The following EPHB1 variants were observed in gnomAD, a reference collection of about 807,000 sequenced individuals.
EPHB1 encodes ephrin type-B receptor 1.
In EPHB1, 30 loss-of-function variants were observed where a neutral mutation model predicts 94.4. The ratio of observed to expected loss-of-function variants is 0.32; its 90% CI spans 0.24 to 0.43. The LOEUF is 0.43. Ranked by LOEUF, EPHB1 falls within the 20% of genes least tolerant of loss-of-function variation. The probability of loss-of-function intolerance (pLI) is 1.00; values close to 1 mark genes in which losing one functional copy is unlikely to be tolerated. For synonymous variants in EPHB1, 522 were observed against 489.1 expected (o/e 1.07, Z -0.89); for missense variants, 1,055 against 1,308.3 (o/e 0.81, Z 2.99).
chr3:135,157,696 A>T (rs1941395309), intron 6 of EPHB1, among the ~76,000 whole-genome samples: 1 of 152,238 alleles, frequency 6.6e-6, no homozygotes, highest in Admixed American at 6.5e-5. Flanking sequence ...GAAGTGCTTG[A>T]CTACAAAGTC....
At chr3:135,074,383 T>G (rs1174350945) in intron 3 of EPHB1, among the ~76,000 whole-genome samples, 6 of 151,380 alleles carry the variant, frequency 4.0e-5, no homozygotes, top group Admixed American at 1.3e-4. Flanking sequence ...GGCTTTCAGG[T>G]TTTTTTTTCC....
intron 3 of EPHB1, among the ~76,000 whole-genome samples, chr3:134,974,538 T>C (rs1934106821): frequency 6.6e-6 from 1 of 152,122 alleles, no homozygotes; most frequent in Non-Finnish European, 1.5e-5. Flanking sequence ...TTTTCCACCT[T>C]GCATGCATAG....
intron 4 of EPHB1, among the ~76,000 whole-genome samples, chr3:135,117,966 T>C (rs1021060131): frequency 7.9e-5 from 12 of 152,090 alleles, no homozygotes; most frequent in Non-Finnish European, 2.9e-5. Context: ...TGGGGGGCAA[T>C]GGTCAGTGGG....
chr3:135,249,898 A>G (rs1932997762), intron 15 of EPHB1, among the ~76,000 whole-genome samples: 1 of 152,234 alleles, frequency 6.6e-6, no homozygotes. Context: ...TTGTCCTTAT[A>G]CTTAGATAGC....
chr3:134,924,235 A>G (rs924519111), intron 1 of EPHB1, among the ~76,000 whole-genome samples: 3 of 152,222 alleles, frequency 2.0e-5, no homozygotes, highest in African/African-American at 4.8e-5. Flanking sequence ...AGAAAACCAA[A>G]TAATAAATTG....
chr3:135,064,992 T>A (rs1268967070), intron 3 of EPHB1, among the ~76,000 whole-genome samples: 1 of 152,200 alleles, frequency 6.6e-6, no homozygotes, highest in Non-Finnish European at 1.5e-5. Context: ...GTTATTTAAT[T>A]TCCATGTATT....
intron 3 of EPHB1, among the ~76,000 whole-genome samples, chr3:135,083,073 C>T (rs1407110415): frequency 2.6e-5 from 4 of 152,158 alleles, no homozygotes; most frequent in Admixed American, 6.5e-5. Flanking sequence ...CTGTGTTCAC[C>T]GGGAGCCAGT....
chr3:135,202,196 CT>C (rs1020686814), intron 12 of EPHB1, among the ~76,000 whole-genome samples: 46 of 152,216 alleles, frequency 3.0e-4, no homozygotes, highest in Non-Finnish European at 7.3e-5. Context: ...CAGCCTCCCC[CT>C]CTACATTCTG....
At chr3:135,209,164 C>T (rs576017501) in intron 12 of EPHB1, among the ~76,000 whole-genome samples, 50 of 152,250 alleles carry the variant, frequency 3.3e-4, no homozygotes, top group Middle Eastern at 3.4e-3. Context: ...AAGCTCTTCC[C>T]TGTAGAGGAA....
intron 3 of EPHB1, among the ~76,000 whole-genome samples, chr3:135,020,802 T>C (rs1022305038): frequency 4.6e-5 from 7 of 152,222 alleles, no homozygotes; most frequent in African/African-American, 1.4e-4. Context: ...CTCAAGGTAA[T>C]ATATGGATAT....
chr3:135,229,739 T>C (rs777950695), intron 12 of EPHB1, among the ~76,000 whole-genome samples: 1 of 152,152 alleles, frequency 6.6e-6, no homozygotes, highest in Non-Finnish European at 1.5e-5. Flanking sequence ...GAGCATCCAC[T>C]GGAATCAGCA....
chr3:134,947,282 A>G (rs1190666012), intron 2 of EPHB1, among the ~76,000 whole-genome samples: 1 of 152,016 alleles, frequency 6.6e-6, no homozygotes, highest in African/African-American at 2.4e-5. Context: ...ATGCCATTCT[A>G]CCCTCATCTC....
chr3:134,825,907 T>C (rs1378349886), intron 1 of EPHB1, among the ~76,000 whole-genome samples: 1 of 152,134 alleles, frequency 6.6e-6, no homozygotes, highest in African/African-American at 2.4e-5. Context: ...CATATCTGCA[T>C]TGTTTTTCTA....
chr3:135,111,364 A>G (rs1451764298), intron 4 of EPHB1, among the ~76,000 whole-genome samples: 1 of 152,214 alleles, frequency 6.6e-6, no homozygotes, highest in Non-Finnish European at 1.5e-5. Flanking sequence ...GAAGGCTGTG[A>G]AAGTTTGGAA....
rs1382074681 is a variant in EPHB1 at position 134,795,483 on chromosome 3, A to G, written c.-149A>G. The G allele has an allele frequency of 1.4e-6, 1 of 726,878 alleles. No homozygotes were observed. The highest frequency in any genetic ancestry group is 1.9e-5 in the African/African-American group (1 of 52,998). 45.0% of individuals were successfully genotyped at this position (726,878 alleles called of 1,614,324 possible). ...CGCGCACACACTCCTGCCCACGCCC[A>G]CGCAGCGCTCCGGGAAGTCCGGTCC... On this transcript the variant is annotated 5_prime_UTR_variant, in exon 1 of 16. Coordinates refer to ENST00000398015, the MANE Select transcript of EPHB1 (RefSeq NM_004441.5).
At chr3:135,094,024 A>C (rs1938657311) in intron 3 of EPHB1, among the ~76,000 whole-genome samples, 1 of 152,190 alleles carries the variant, frequency 6.6e-6, no homozygotes, top group Non-Finnish European at 1.5e-5. Context: ...CTTGCTATAA[A>C]CAATATTGCC....
Position 135,038,270 on chromosome 3 carries a change from T to G in EPHB1, c.806-68178T>G, listed in dbSNP as rs115759567. On this transcript the variant is annotated intron_variant, in intron 3 of 15. Coordinates refer to ENST00000398015, the MANE Select transcript of EPHB1 (RefSeq NM_004441.5). The stretch of plus-strand genomic sequence containing the variant: ...AGAGATGGTGCCCATTTCTCCTCCC[T>G]TTGAATCTGGGCTGGGCTGTGATTA... Among the ~76,000 whole-genome samples the G allele has an allele frequency of 8.0e-3, 1,220 of 152,342 alleles. 11 individuals carry two copies. The highest frequency in any genetic ancestry group is 0.028 in the African/African-American group (1,160 of 41,582).
chr3:134,841,069 C>A (rs980460412), intron 1 of EPHB1, among the ~76,000 whole-genome samples: 1 of 152,166 alleles, frequency 6.6e-6, no homozygotes, highest in Non-Finnish European at 1.5e-5. Flanking sequence ...TTCTCAGAGC[C>A]CCCTTCCTCA....
chr3:134,836,687 T>C (rs538835394), intron 1 of EPHB1, among the ~76,000 whole-genome samples: 2 of 152,360 alleles, frequency 1.3e-5, no homozygotes, highest in South Asian at 4.1e-4. Flanking sequence ...ATTTTAGTTA[T>C]AGATGTGATA....
Sources: allele counts gnomAD v4.1 joint callset (sites outside exome capture counted in the v4.1 genomes callset), GRCh38; gene constraint gnomAD v4.1.1; transcripts MANE v1.5; gene names NCBI Gene and HGNC (gene_info 2026-07-23, HGNC 2026-07-21).